Variants in RGS3 observed in about 807,000 individuals in gnomAD.
RGS3 encodes the protein regulator of G-protein signalling 3.
Under a neutral mutation model 132.6 loss-of-function variants are expected in RGS3, and 80 were observed. The ratio of observed to expected loss-of-function variants is 0.60; its 90% confidence interval spans 0.50 to 0.73. RGS3 has a LOEUF of 0.73. Ranked by LOEUF, RGS3 falls within the 30% of genes least tolerant of loss-of-function variation. RGS3 has a pLI of 0.00. For synonymous variants in RGS3, 598 were observed against 620.6 expected (o/e 0.96, Z 0.54); for missense variants, 1,382 against 1,530.8 (o/e 0.90, Z 1.62).
At chr9:113,479,900 A>T (rs560749805) in intron 4 of RGS3, among the ~76,000 whole-genome samples, 2 of 151,330 alleles carry the variant, frequency 1.3e-5, no homozygotes, top group South Asian at 4.2e-4. Context: ...TATTTTTCTC[A>T]CTCATTCATT....
In RGS3 at chr9:113,463,672, T is replaced by C. The variant is rs1261184656; in HGVS notation, c.415+1471T>C. ...GGGCCAATCAGGGCCGGGCGCGCCC[T>C]GGCCGTTCCAACGCTTGGGGCAGCC... On this transcript the variant is annotated intron_variant, in intron 3 of 24. Transcript: ENST00000350696. The surrounding 1 kb of genome is among the most constrained non-coding windows in gnomAD (Gnocchi z 4.6). 1 of 1,281,874 alleles carries C rather than the reference T, an allele frequency of 7.8e-7. No individual in the cohort carries two copies. The allele number at this position is 1,281,874 out of a possible 1,614,324, so 79.4% of individuals were successfully genotyped here.
chr9:113,514,374 A>G, intron 14 of RGS3, 84 bp from the exon 13 acceptor site: 2 of 1,215,876 alleles, frequency 1.6e-6, no homozygotes, highest in Non-Finnish European at 2.3e-6. Context: ...TGACGGAATG[A>G]GTCCGTGTCC....
chr9:113,523,721 G>A (rs1238054121), intron 17 of RGS3, among the ~76,000 whole-genome samples: 1 of 152,284 alleles, frequency 6.6e-6, no homozygotes, highest in Non-Finnish European at 1.5e-5. Flanking sequence ...TGAGGTCTCT[G>A]CTGAGAGGGG....
intron 19 of RGS3, among the ~76,000 whole-genome samples, chr9:113,571,260 A>C (rs1834279981): frequency 6.6e-6 from 1 of 152,240 alleles, no homozygotes. Flanking sequence ...TGTTAGGTGA[A>C]TACCTAAGTT....
chr9:113,553,475 T>A (rs1372423312), intron 19 of RGS3, among the ~76,000 whole-genome samples: 38 of 107,138 alleles, frequency 3.5e-4, no homozygotes, highest in African/African-American at 7.8e-4. Context: ...TATATATATA[T>A]ATATATATAT....
intron 19 of RGS3, among the ~76,000 whole-genome samples, chr9:113,549,927 GC>G (rs1191954936): frequency 6.6e-6 from 1 of 152,152 alleles, no homozygotes; most frequent in Non-Finnish European, 1.5e-5. Context: ...GATGGCTTGA[GC>G]CTGAGTTTGA....
chr9:113,460,542 TTC>T (rs1255300492), intron 1 of RGS3, among the ~76,000 whole-genome samples: 1 of 152,188 alleles, frequency 6.6e-6, no homozygotes, highest in African/African-American at 2.4e-5. Flanking sequence ...AAATTTTTTT[TTC>T]TTCTGAATTA....
intron 19 of RGS3, among the ~76,000 whole-genome samples, chr9:113,560,680 A>C (rs1371362664): frequency 6.6e-6 from 1 of 152,236 alleles, no homozygotes; most frequent in East Asian, 1.9e-4. Flanking sequence ...GCCTTTTTGC[A>C]TAGAGTCTCT....
intron 16 of RGS3, 39 bp downstream of exon 14, chr9:113,517,663 G>A: frequency 6.5e-7 from 1 of 1,540,166 alleles, no homozygotes; most frequent in Non-Finnish European, 9.0e-7. Flanking sequence ...GGCTTTCTGG[G>A]TGGGCTTCAT....
intron 19 of RGS3, among the ~76,000 whole-genome samples, chr9:113,544,718 C>G (rs549335810): frequency 2.6e-5 from 4 of 152,342 alleles, no homozygotes; most frequent in Admixed American, 6.5e-5. Flanking sequence ...GACACCAAGG[C>G]TCTGAGAAGT....
upstream of RGS3, among the ~76,000 whole-genome samples, chr9:113,459,537 G>A (rs1174217371): frequency 6.6e-6 from 1 of 152,128 alleles, no homozygotes; most frequent in Non-Finnish European, 1.5e-5. Context: ...TTCACTTGAG[G>A]TCAGGAGTTC....
intron 16 of RGS3, 114 bp downstream of exon 14, chr9:113,517,738 G>C: frequency 1.3e-6 from 1 of 759,076 alleles, no homozygotes; most frequent in Non-Finnish European, 2.1e-6. Flanking sequence ...CATTCTCAGG[G>C]TAGGGGAGAC....
rs1830040270 is a variant in RGS3 at position 113,477,838 on chromosome 9, G to A, written c.416-1653G>A. 2.0e-5 allele frequency among the ~76,000 whole-genome samples: 3 copies of A among 152,340 alleles called. No individual in the cohort carries two copies. In the South Asian group the frequency reaches 6.2e-4, roughly 32 times the overall value. On this transcript the variant is annotated intron_variant, in intron 3 of 24. Transcript: ENST00000350696. ...GCAGAGGGAGGGCACAGCTAGCCAG[G>A]GTTGTCACAGATGGAGCCATGCCTG...
At chr9:113,499,832 T>C (rs1247126536) in intron 10 of RGS3, among the ~76,000 whole-genome samples, 1 of 152,242 alleles carries the variant, frequency 6.6e-6, no homozygotes, top group African/African-American at 2.4e-5. Context: ...CTGGCACATG[T>C]GTCTAGCTGC....
At chr9:113,516,782 A>C (rs542035481) in intron 15 of RGS3, among the ~76,000 whole-genome samples, 1 of 150,558 alleles carries the variant, frequency 6.6e-6, no homozygotes, top group South Asian at 2.1e-4. Context: ...CTGTAACCTC[A>C]AGCTCCTGGC....
At chr9:113,553,462 ATATAT>A (rs1833438088) in intron 19 of RGS3, among the ~76,000 whole-genome samples, 4 of 72,716 alleles carry the variant, frequency 5.5e-5, no homozygotes, top group East Asian at 3.3e-4. Context: ...AAAAAAAAAT[ATATAT>A]ATATATATAT....
intron 18 of RGS3, among the ~76,000 whole-genome samples, chr9:113,532,591 C>G (rs1360768711): frequency 6.6e-6 from 1 of 152,188 alleles, no homozygotes; most frequent in Non-Finnish European, 1.5e-5. Context: ...AGGAGATTCC[C>G]ATGGGGCAGG....
chr9:113,557,965 G>A (rs1267619457), intron 19 of RGS3, among the ~76,000 whole-genome samples: 2 of 152,206 alleles, frequency 1.3e-5, no homozygotes, highest in Non-Finnish European at 2.9e-5. Flanking sequence ...TGCAGGGGTT[G>A]ATGGGTGTTG....
chr9:113,580,089 G>A (rs1694204320), intron 19 of RGS3, among the ~76,000 whole-genome samples: 2 of 152,178 alleles, frequency 1.3e-5, no homozygotes. Context: ...AAGAACAGGG[G>A]CCTTACCAAA....
Sources: gnomAD v4.1 joint callset for allele counts (sites outside exome capture counted in the v4.1 genomes callset) on GRCh38, gnomAD v4.1.1 for gene constraint, Gnocchi (gnomAD v3.1) non-coding constraint, MANE v1.5 for transcripts, NCBI Gene and HGNC (gene_info 2026-07-23, HGNC 2026-07-21) for gene names.